The following TBX15 variants were observed in gnomAD, a reference collection of about 807,000 sequenced individuals.
TBX15 encodes T-box transcription factor TBX15.
Under a neutral mutation model 53.9 loss-of-function variants are expected in TBX15, and 18 were observed. That is an observed-to-expected ratio of 0.33 (90% CI 0.23 to 0.49). The LOEUF (loss-of-function observed/expected upper bound fraction) is 0.49, where lower values mean the gene tolerates loss of function less well. TBX15 is among the 20% of genes least tolerant of loss of function. The pLI, the probability that TBX15 is intolerant of heterozygous loss-of-function variation, is 0.98. For missense variants in TBX15, 692 were observed against 749.5 expected, an observed-to-expected ratio of 0.92 and a Z score of 0.90; for synonymous variants, 295 against 278.0, an observed-to-expected ratio of 1.06 and a Z score of -0.61.
intron 1 of TBX15, among the ~76,000 whole-genome samples, chr1:118,980,276 A>C (rs938610044): frequency 4.6e-5 from 7 of 152,226 alleles, no homozygotes; most frequent in African/African-American, 1.7e-4. Context: ...AGTAAAGAGA[A>C]CGCAGCGGTG....
chr1:118,985,956 C>T (rs1657817369), intron 1 of TBX15, among the ~76,000 whole-genome samples: 1 of 152,198 alleles, frequency 6.6e-6, no homozygotes, highest in South Asian at 2.1e-4. Context: ...TGATCTGAAT[C>T]TCTAATTATG....
chr1:118,954,017 T>C (rs1360749620), intron 1 of TBX15, among the ~76,000 whole-genome samples: 2 of 152,188 alleles, frequency 1.3e-5, no homozygotes, highest in African/African-American at 4.8e-5. Context: ...GACAGCCAGG[T>C]GGTCATGGGA....
At chr1:118,946,313 A>T (rs1656346145) in intron 1 of TBX15, among the ~76,000 whole-genome samples, 1 of 152,178 alleles carries the variant, frequency 6.6e-6, no homozygotes, top group Admixed American at 6.5e-5. Flanking sequence ...GAGGTTATTA[A>T]CCTAAAGTCA....
intron 5 of TBX15, among the ~76,000 whole-genome samples, chr1:118,917,451 G>C (rs1199317693): frequency 6.6e-6 from 1 of 152,126 alleles, no homozygotes; most frequent in Non-Finnish European, 1.5e-5. Context: ...AGGATAAATA[G>C]CTAATGCATG....
intron 7 of TBX15, among the ~76,000 whole-genome samples, chr1:118,886,565 C>G (rs1220876417): frequency 6.6e-6 from 1 of 152,194 alleles, no homozygotes; most frequent in Non-Finnish European, 1.5e-5. Flanking sequence ...GGGCATGGAA[C>G]CTCCACATCA....
intron 1 of TBX15, among the ~76,000 whole-genome samples, chr1:118,974,478 C>A (rs35619306): frequency 0.069 from 10,478 of 152,206 alleles, 490 homozygotes; most frequent in East Asian, 0.19. Context: ...GGATTTTCTT[C>A]AAATCCCTGT....
At chr1:118,906,295 G>A (rs1178329618) in intron 6 of TBX15, among the ~76,000 whole-genome samples, 2 of 152,092 alleles carry the variant, frequency 1.3e-5, no homozygotes, top group Non-Finnish European at 2.9e-5. Flanking sequence ...TTATAATAGA[G>A]AGCTCTATTA....
intron 1 of TBX15, among the ~76,000 whole-genome samples, chr1:118,950,297 C>A (rs779815923): frequency 6.6e-6 from 1 of 152,168 alleles, no homozygotes; most frequent in African/African-American, 2.4e-5. Flanking sequence ...TTGGGACAGG[C>A]TCTTGTCTGA....
chr1:118,889,058 G>T (rs549104241), intron 7 of TBX15, among the ~76,000 whole-genome samples: 11 of 152,336 alleles, frequency 7.2e-5, no homozygotes, highest in African/African-American at 2.6e-4. Context: ...TTGGTGGCCT[G>T]CTGAGCTTGA....
chr1:118,923,646 AC>A, intron 4 of TBX15, 43 bp from the exon 5 acceptor site: 1 of 1,612,374 alleles, frequency 6.2e-7, no homozygotes, highest in Non-Finnish European at 8.5e-7. Flanking sequence ...GCTTTAAGGA[AC>A]CTACATTTTG....
rs183200957 is a variant in TBX15, at chr1:118,955,855, C to T, written c.206-24023G>A. Among the ~76,000 whole-genome samples the T allele has an allele frequency of 4.6e-5, 7 of 152,256 alleles. No individual in the cohort carries two copies. The East Asian group carries it at 5.8e-4, about 13-fold the overall frequency. ...GATTTATAGTTCAGGTATAAAAGATCGTCTACCAAATAGTTATCCTTCCAG... is the reference window on the plus strand; with the variant it reads ...GATTTATAGTTCAGGTATAAAAGATTGTCTACCAAATAGTTATCCTTCCAG... On this transcript the variant is annotated intron_variant, in intron 1 of 7. Transcript: ENST00000369429.
chr1:118,978,141 T>C (rs1657500204), intron 1 of TBX15, among the ~76,000 whole-genome samples: 1 of 152,256 alleles, frequency 6.6e-6, no homozygotes, highest in Non-Finnish European at 1.5e-5. Context: ...ACACAAGGAC[T>C]GGAAATCACT....
At chr1:118,937,515 T>G (rs1656008767) in intron 1 of TBX15, among the ~76,000 whole-genome samples, 1 of 152,192 alleles carries the variant, frequency 6.6e-6, no homozygotes, top group Non-Finnish European at 1.5e-5. Flanking sequence ...ATAAGCTCAG[T>G]TTAATGCTTT....
At chr1:118,900,158 G>A (rs993892182) in intron 6 of TBX15, among the ~76,000 whole-genome samples, 14 of 152,128 alleles carry the variant, frequency 9.2e-5, no homozygotes, top group African/African-American at 2.2e-4. Context: ...GAGAGGAGAA[G>A]TGTGGGACCT....
intron 1 of TBX15, among the ~76,000 whole-genome samples, chr1:118,986,441 A>C (rs564938310): frequency 5.9e-5 from 9 of 152,352 alleles, no homozygotes; most frequent in Admixed American, 4.6e-4. Flanking sequence ...ATAAAACTCT[A>C]TCTCTGCAGG....
chr1:118,982,320 C>T (rs895377385), intron 1 of TBX15, among the ~76,000 whole-genome samples: 5 of 152,210 alleles, frequency 3.3e-5, no homozygotes, highest in Non-Finnish European at 5.9e-5. Context: ...CTACCAGAGT[C>T]TATAATCAGG....
At chr1:118,903,940 C>T (rs989902061) in intron 6 of TBX15, among the ~76,000 whole-genome samples, 8 of 152,124 alleles carry the variant, frequency 5.3e-5, no homozygotes, top group Non-Finnish European at 1.5e-5. Flanking sequence ...GAAGATTCCA[C>T]AAAAGGCCAG....
chr1:118,959,653 A>T (rs1571206480), intron 1 of TBX15, among the ~76,000 whole-genome samples: 1 of 152,342 alleles, frequency 6.6e-6, no homozygotes, highest in East Asian at 1.9e-4. Context: ...GAACAGTGTC[A>T]GTCCTACTCC....
intron 1 of TBX15, among the ~76,000 whole-genome samples, chr1:118,959,051 AGAGT>A (rs1435609285): frequency 6.9e-6 from 1 of 144,806 alleles, no homozygotes; most frequent in African/African-American, 2.6e-5. Context: ...AGAGAGAGAG[AGAGT>A]ATGTGTGTGT....
Sources: gnomAD v4.1 joint callset for allele counts (sites outside exome capture counted in the v4.1 genomes callset) on GRCh38, gnomAD v4.1.1 for gene constraint, MANE v1.5 for transcripts, NCBI Gene and HGNC (gene_info 2026-07-23, HGNC 2026-07-21) for gene names.